The following SEC24C variants were observed in gnomAD, a reference collection of about 807,000 sequenced individuals.
SEC24C encodes the protein SEC24 homolog C, COPII component.
In SEC24C, 22 loss-of-function variants were observed where a neutral mutation model predicts 117.0. The ratio of observed to expected loss-of-function variants is 0.19; its 90% CI spans 0.13 to 0.27. The LOEUF (loss-of-function observed/expected upper bound fraction) is 0.27. Ranked by LOEUF, SEC24C falls within the 10% of genes least tolerant of loss-of-function variation. The probability of loss-of-function intolerance (pLI) is 1.00; values close to 1 mark genes in which losing one functional copy is unlikely to be tolerated. For synonymous variants in SEC24C, 506 were observed against 529.4 expected (o/e 0.96, Z 0.61); for missense variants, 1,155 against 1,375.1 (o/e 0.84, Z 2.53).
At position 73,766,467 on chromosome 10, in the gene SEC24C, T is replaced by C. The variant is rs374137532; in HGVS notation, c.1725T>C (p.Asp575=). ...AGCCACAGATGATGGTTGTGTCTGA[T>C]GTGGCTGACATGTTTGTGCCACTGC... ...LAQPQMMVVS[D]VADMFVPLLD... is the part of the protein sequence containing the mutation. The change falls in exon 12 of 23, where the codon GAT becomes GAC. Residue 575 remains aspartate, a synonymous_variant. Coordinates refer to ENST00000345254, the MANE Select transcript of SEC24C (RefSeq NM_198597.3). The C allele has an allele frequency of 6.2e-7, 1 of 1,614,014 alleles. No homozygotes were observed. The highest frequency in any genetic ancestry group is 8.5e-7 in the Non-Finnish European group (1 of 1,180,044).
intron 21 of SEC24C, 28 bp from the exon 22 acceptor site, chr10:73,770,681 A>T: frequency 6.2e-7 from 1 of 1,612,256 alleles, no homozygotes; most frequent in African/African-American, 1.3e-5. Flanking sequence ...GTGCCTTACC[A>T]TAAGGATAAA....
In SEC24C at chr10:73,765,438, C is replaced by T. The variant is rs749277261; in HGVS notation, c.1228-13C>T. On this transcript the variant is annotated splice_polypyrimidine_tract_variant and intron_variant, in intron 8 of 22. Transcript: ENST00000345254. The stretch of plus-strand genomic sequence containing the variant: ...TTTCCTTTATGTCTGATCCCTTCCC[C>T]TTTGCGCCTTAGGCTTCACCGTATG... 11 of 1,606,950 alleles carry T rather than the reference C, an allele frequency of 6.8e-6. 1 individual carries two copies. The South Asian group carries it at 1.2e-4, about 18-fold the overall frequency.
chr10:73,764,237 G>T (rs557313432), intron 8 of SEC24C, among the ~76,000 whole-genome samples: 1 of 152,036 alleles, frequency 6.6e-6, no homozygotes, highest in South Asian at 2.1e-4. Context: ...AAAAGAGGTA[G>T]GGCCAGGCCA....
At position 73,763,648 on chromosome 10, in the gene SEC24C, T is replaced by G. The variant is rs1466119168; in HGVS notation, c.1099+47T>G. On this transcript the variant is annotated intron_variant, in intron 7 of 22. Transcript: ENST00000345254. ...CCCACAGGGGCTTTTTCTTCAAGATTATCAGCTTATGGTTGGGGCTTTTTT... is the reference window on the plus strand; with the variant it reads ...CCCACAGGGGCTTTTTCTTCAAGATGATCAGCTTATGGTTGGGGCTTTTTT... The G allele has an allele frequency of 1.0e-5, 10 of 988,028 alleles. No individual in the cohort carries two copies. The African/African-American group carries it at 1.3e-4, about 13-fold the overall frequency. 61.2% of individuals were successfully genotyped at this position (988,028 alleles called of 1,614,324 possible).
Position 73,760,243 on chromosome 10 carries a change from T to G in SEC24C, c.707T>G (p.Phe236Cys). 6.2e-7 allele frequency: 1 copy of G among 1,614,158 alleles called. No homozygotes were observed. Among genetic ancestry groups the G allele is most frequent in the Non-Finnish European group, 8.5e-7 (1 of 1,180,010 alleles). The change falls in exon 5 of 23, where the codon TTT (phenylalanine) becomes TGT (cysteine). Residue 236 changes from phenylalanine to cysteine, a missense_variant. This residue lies in a region of SEC24C where 396 missense variants were observed against 382.8 expected (regional missense o/e 1.03). Transcript: ENST00000345254. ...GGTCCACTCCTGCCTGGACAGAGTT[T>G]TGGAGGGCCCTCAGTGAGCCAGCCC... ...MTGPLLPGQS[F>C]GGPSVSQPNH...
intron 3 of SEC24C, among the ~76,000 whole-genome samples, chr10:73,757,149 A>G (rs1438307828): frequency 6.8e-6 from 1 of 147,356 alleles, no homozygotes; most frequent in South Asian, 2.1e-4. Flanking sequence ...CCTGACCTCA[A>G]ATGATCCATC....
chr10:73,752,840 A>T (rs1307649068), intron 3 of SEC24C, among the ~76,000 whole-genome samples: 1 of 152,084 alleles, frequency 6.6e-6, no homozygotes, highest in Non-Finnish European at 1.5e-5. Context: ...ACAAAACAAA[A>T]CAAAAAACCC....
intron 14 of SEC24C, among the ~76,000 whole-genome samples, chr10:73,767,566 T>C (rs554161159): frequency 6.6e-6 from 1 of 151,652 alleles, no homozygotes; most frequent in Non-Finnish European, 1.5e-5. Flanking sequence ...TACTTGGGAG[T>C]CTGAGGCAGG....
chr10:73,750,997 G>A (rs531918983), intron 2 of SEC24C, 111 bp from the exon 3 acceptor site: 2 of 1,126,062 alleles, frequency 1.8e-6, no homozygotes, highest in South Asian at 2.9e-5. Flanking sequence ...CCTAAACTGT[G>A]GTATTGGGCC....
At chr10:73,764,130 C>A (rs2082843241) in intron 8 of SEC24C, 147 bp downstream of exon 8, 2 of 1,105,204 alleles carry the variant, frequency 1.8e-6, no homozygotes, top group Non-Finnish European at 1.3e-6. Context: ...CTTTCTATCC[C>A]AGGGCCCATG....
At position 73,767,787 on chromosome 10, in the gene SEC24C, G is replaced by A. The variant is rs189161293; in HGVS notation, c.2011-50G>A. On this transcript the variant is annotated intron_variant, in intron 14 of 22. Coordinates refer to ENST00000345254, the MANE Select transcript of SEC24C (RefSeq NM_198597.3). Reference sequence around the variant, plus strand: ...TAGATATACAGTTTTCAAATAGGGCGGAGCTGAGATATTTGAACATTTTCT... The same window carrying A: ...TAGATATACAGTTTTCAAATAGGGCAGAGCTGAGATATTTGAACATTTTCT... 4.6e-4 allele frequency: 665 copies of A among 1,437,992 alleles called. 2 individuals are homozygous for A. In the Middle Eastern group the frequency reaches 5.9e-3, roughly 13 times the overall value. 89.1% of individuals were successfully genotyped at this position (1,437,992 alleles called of 1,614,324 possible).
chr10:73,767,087 C>T lies in SEC24C; in HGVS notation c.1927C>T (p.His643Tyr), dbSNP rs1450725964. Residue 643 changes from histidine to tyrosine, a missense_variant, in exon 14 of 23, where the codon CAT (histidine) becomes TAT (tyrosine). His to Tyr is a moderately conservative substitution (Grantham distance 83). This residue lies in a region of SEC24C where 759 missense variants were observed against 992.3 expected (regional missense o/e 0.76). Transcript: ENST00000345254. ...GTGTGCAGGGAAGCTCTTTCTATTC[C>T]ATACATCCCTGCCCATTGCAGAGGC... ...AECAGKLFLF[H>Y]TSLPIAEAPG... 6.2e-7 allele frequency: 1 copy of T among 1,613,942 alleles called. No homozygotes were observed. The highest frequency in any genetic ancestry group is 1.7e-5 in the Admixed American group (1 of 60,018).
intron 3 of SEC24C, among the ~76,000 whole-genome samples, chr10:73,753,076 G>T (rs1043667566): frequency 1.3e-5 from 2 of 151,696 alleles, no homozygotes; most frequent in Non-Finnish European, 2.9e-5. Context: ...TTGAGACAGA[G>T]TCCTGCCCTG....
chr10:73,762,108 A>G, intron 6 of SEC24C: 1 of 1,289,732 alleles, frequency 7.8e-7, no homozygotes, highest in Non-Finnish European at 1.0e-6. Flanking sequence ...CAACTCAGTG[A>G]GCTGCCTCCT....
Position 73,746,175 on chromosome 10 carries a change from A to AAC in SEC24C, c.-28-629_-28-628insCA, listed in dbSNP as rs1369394136. 1.5e-3 allele frequency among the ~76,000 whole-genome samples: 234 copies of AAC among 151,688 alleles called. 5 individuals are homozygous for AAC. The East Asian group carries it at 0.04, about 26-fold the overall frequency. ...CTCCGTCTCAAAAAAAAAAAAAAAA[A>AAC]AAAAAAACCTTCAGTTTTAAGGTCC... On this transcript the variant is annotated intron_variant, in intron 1 of 22. Coordinates refer to ENST00000345254, the MANE Select transcript of SEC24C (RefSeq NM_198597.3).
intron 3 of SEC24C, among the ~76,000 whole-genome samples, chr10:73,753,137 G>C (rs916382086): frequency 2.6e-5 from 4 of 151,204 alleles, no homozygotes; most frequent in African/African-American, 4.9e-5. Context: ...ACACTCTCCA[G>C]CTCCTGGGTT....
chr10:73,766,773 A>G lies in SEC24C; in HGVS notation c.1813A>G (p.Ile605Val). The G allele has an allele frequency of 6.2e-7, 1 of 1,614,122 alleles. No homozygotes were observed. The highest frequency in any genetic ancestry group is 1.1e-5 in the South Asian group (1 of 91,080). Reference protein sequence around the residue: ...RAVITSLLDQIPEMFADTRET... With the variant: ...RAVITSLLDQVPEMFADTRET... ...CTATCTCTTTAGCTTATTGGATCAGATTCCAGAAATGTTTGCAGACACAAG... is the reference window on the plus strand; with the variant it reads ...CTATCTCTTTAGCTTATTGGATCAGGTTCCAGAAATGTTTGCAGACACAAG... The change falls in exon 13 of 23, where the codon ATT becomes GTT. Residue 605 changes from isoleucine to valine, a missense_variant. Around this residue, in one of 2 missense-constraint regions of SEC24C, gnomAD observed 759 missense variants for 992.3 expected, o/e 0.76. Transcript: ENST00000345254.
chr10:73,766,707 T>G (rs1333524185), intron 12 of SEC24C, 53 bp from the exon 13 acceptor site: 26 of 1,526,618 alleles, frequency 1.7e-5, no homozygotes, highest in East Asian at 2.3e-5. Flanking sequence ...AGAACTGAGG[T>G]ATCTGGAATC....
chr10:73,766,960 T>C (rs1434986070), intron 13 of SEC24C, 94 bp from the exon 14 acceptor site: 2 of 1,365,878 alleles, frequency 1.5e-6, no homozygotes, highest in Non-Finnish European at 2.1e-6. Flanking sequence ...CTGTCCAGTG[T>C]GTTAGACTGT....
Sources: allele counts gnomAD v4.1 joint callset (sites outside exome capture counted in the v4.1 genomes callset), GRCh38; gene constraint gnomAD v4.1.1; regional missense constraint gnomAD v4.1.1; transcripts MANE v1.5; gene names NCBI Gene and HGNC (gene_info 2026-07-23, HGNC 2026-07-21).